Variants in NELL2 observed in about 807,000 individuals in gnomAD.
NELL2 encodes protein kinase C-binding protein NELL2.
A neutral mutation model predicts 109.6 loss-of-function variants in NELL2; 41 were observed. The ratio of observed to expected loss-of-function variants is 0.37; its 90% CI spans 0.29 to 0.49. NELL2 has a LOEUF of 0.49. Among genes scored for constraint, NELL2 ranks in the 20% least tolerant of loss-of-function variants. The probability of loss-of-function intolerance (pLI) is 0.98; values close to 1 mark genes in which losing one functional copy is unlikely to be tolerated. For synonymous variants in NELL2, 355 were observed against 344.7 expected, an observed-to-expected ratio of 1.03 and a Z score of -0.33; for missense variants, 900 against 1,008.3, an observed-to-expected ratio of 0.89 and a Z score of 1.45.
At chr12:44,560,427 C>T (rs1460285674) in intron 15 of NELL2, among the ~76,000 whole-genome samples, 1 of 151,924 alleles carries the variant, frequency 6.6e-6, no homozygotes, top group Non-Finnish European at 1.5e-5. Context: ...AGATAGACTG[C>T]TAGCTAGACT....
At chr12:44,719,638 T>C (rs1208164424) in intron 9 of NELL2, among the ~76,000 whole-genome samples, 1 of 152,168 alleles carries the variant, frequency 6.6e-6, no homozygotes, top group Non-Finnish European at 1.5e-5. Flanking sequence ...TTACAGTTTC[T>C]TTAAAATTCT....
At chr12:44,907,109 A>G (rs1945727562) in intron 1 of NELL2, among the ~76,000 whole-genome samples, 1 of 151,984 alleles carries the variant, frequency 6.6e-6, no homozygotes. Context: ...TCCTGCCACC[A>G]TGTGAAGGTT....
Position 44,576,285 on chromosome 12 carries a change from C to T in NELL2, c.1663+30884G>A, listed in dbSNP as rs17094809. On this transcript the variant is annotated intron_variant, in intron 15 of 19. Coordinates refer to ENST00000429094, the MANE Select transcript of NELL2 (RefSeq NM_001145108.2). ...CAGCTCTGACTTCTCTGTAAGATTT[C>T]GCAGTCATATCTGCAAATTATCAGT... Among the ~76,000 whole-genome samples, 969 of 152,340 alleles carry T rather than the reference C, an allele frequency of 6.4e-3. 9 individuals are homozygous for T. Among genetic ancestry groups the T allele is most frequent in the African/African-American group, 0.021 (879 of 41,586 alleles).
At chr12:44,816,380 C>A (rs1169075080) in intron 2 of NELL2, among the ~76,000 whole-genome samples, 1 of 152,062 alleles carries the variant, frequency 6.6e-6, no homozygotes, top group African/African-American at 2.4e-5. Flanking sequence ...AAAAATGTCA[C>A]CTTTGAAGCA....
chr12:44,584,865 T>C (rs1488999792), intron 15 of NELL2, among the ~76,000 whole-genome samples: 1 of 152,178 alleles, frequency 6.6e-6, no homozygotes, highest in African/African-American at 2.4e-5. Context: ...AGACAATGGA[T>C]ATACCTGCCA....
At chr12:44,594,237 T>C (rs1944872138) in intron 15 of NELL2, among the ~76,000 whole-genome samples, 1 of 152,098 alleles carries the variant, frequency 6.6e-6, no homozygotes, top group South Asian at 2.1e-4. Flanking sequence ...TGTGCATACC[T>C]ATGTAACAAA....
At chr12:44,528,548 T>TTA (rs1260995364) in intron 16 of NELL2, among the ~76,000 whole-genome samples, 5 of 152,248 alleles carry the variant, frequency 3.3e-5, no homozygotes, top group Non-Finnish European at 5.9e-5. Context: ...TAGCTATCTA[T>TTA]TATTTACCTC....
intron 13 of NELL2, among the ~76,000 whole-genome samples, chr12:44,634,894 T>G (rs1002197306): frequency 1.3e-5 from 2 of 152,140 alleles, no homozygotes; most frequent in African/African-American, 2.4e-5. Flanking sequence ...GTTCTTGTGT[T>G]AATTTGCTGA....
intron 9 of NELL2, among the ~76,000 whole-genome samples, chr12:44,730,562 A>T (rs1939315668): frequency 1.3e-5 from 2 of 152,130 alleles, no homozygotes; most frequent in Non-Finnish European, 2.9e-5. Context: ...ATCAAAAAAG[A>T]AATTTTAAAA....
At chr12:44,676,308 G>A (rs1009964948) in intron 12 of NELL2, among the ~76,000 whole-genome samples, 9 of 152,116 alleles carry the variant, frequency 5.9e-5, no homozygotes, top group Non-Finnish European at 5.9e-5. Flanking sequence ...TAACATTTGG[G>A]AAGATAAGAA....
chr12:44,596,286 C>A (rs1944959982), intron 15 of NELL2, among the ~76,000 whole-genome samples: 1 of 152,192 alleles, frequency 6.6e-6, no homozygotes. Flanking sequence ...CTATTTCAGT[C>A]ATTTTAGCAT....
chr12:44,906,533 G>A (rs924880355), intron 1 of NELL2, among the ~76,000 whole-genome samples: 1 of 152,032 alleles, frequency 6.6e-6, no homozygotes, highest in African/African-American at 2.4e-5. Context: ...TAGATATGGT[G>A]AGAAGTGGTG....
chr12:44,648,500 G>A (rs7301539), intron 13 of NELL2, among the ~76,000 whole-genome samples: 76,549 of 151,648 alleles, frequency 0.5, 20,341 homozygotes, highest in East Asian at 0.73. Context: ...ACTAAGGTGT[G>A]TGAGTGTTAC....
At chr12:44,679,359 A>G (rs1948423055) in intron 12 of NELL2, among the ~76,000 whole-genome samples, 1 of 152,174 alleles carries the variant, frequency 6.6e-6, no homozygotes, top group Admixed American at 6.6e-5. Context: ...GTTTACAATC[A>G]TCATTGTAGG....
intron 15 of NELL2, among the ~76,000 whole-genome samples, chr12:44,595,282 A>G (rs1424035738): frequency 6.6e-6 from 1 of 152,246 alleles, no homozygotes; most frequent in Non-Finnish European, 1.5e-5. Context: ...CCCTTTTAAA[A>G]TATGAAGAAA....
At chr12:44,852,268 T>A (rs1284272527) in intron 2 of NELL2, among the ~76,000 whole-genome samples, 1 of 152,206 alleles carries the variant, frequency 6.6e-6, no homozygotes. Context: ...GAAAAAAACG[T>A]TAACAAATTA....
chr12:44,656,800 G>A (rs192537168), intron 13 of NELL2, among the ~76,000 whole-genome samples: 1 of 152,104 alleles, frequency 6.6e-6, no homozygotes, highest in East Asian at 1.9e-4. Flanking sequence ...TAAATTATCT[G>A]TTTTGTTCTG....
At chr12:44,754,035 A>G (rs184047714) in intron 9 of NELL2, among the ~76,000 whole-genome samples, 4 of 152,348 alleles carry the variant, frequency 2.6e-5, no homozygotes, top group Non-Finnish European at 5.9e-5. Context: ...GCAAAGATAC[A>G]TCCCAAATGT....
At chr12:44,533,891 CCGT>C (rs1458548240) in intron 15 of NELL2, among the ~76,000 whole-genome samples, 18 of 26,800 alleles carry the variant, frequency 6.7e-4, no homozygotes, top group African/African-American at 1.8e-3. Context: ...ATCTTGATAG[CCGT>C]ATGCCATAGC....
Sources: allele counts gnomAD v4.1 joint callset (sites outside exome capture counted in the v4.1 genomes callset), GRCh38; gene constraint gnomAD v4.1.1; transcripts MANE v1.5; gene names NCBI Gene and HGNC (gene_info 2026-07-23, HGNC 2026-07-21).